Variants in GARRE1 observed in about 807,000 individuals in gnomAD.
GARRE1 encodes the protein granule associated Rac and RHOG effector 1.
In GARRE1, 49 loss-of-function variants were observed where a neutral mutation model predicts 103.2. The ratio of observed to expected loss-of-function variants is 0.47; its 90% CI spans 0.38 to 0.60. The LOEUF is 0.60. Among genes scored for constraint, GARRE1 ranks in the 20% least tolerant of loss-of-function variants. GARRE1 has a pLI of 0.00. For missense variants in GARRE1, 1,199 were observed against 1,370.5 expected (o/e 0.87, Z 1.98); for synonymous variants, 505 against 532.8 (o/e 0.95, Z 0.72).
At chr19:34,301,979 A>G (rs1196584728) in intron 2 of GARRE1, among the ~76,000 whole-genome samples, 9 of 94,796 alleles carry the variant, frequency 9.5e-5, no homozygotes, top group Admixed American at 6.9e-4. Flanking sequence ...CACTGCGCCC[A>G]GCCTTTTTTT....
chr19:34,273,133 T>C (rs1009390391), intron 1 of GARRE1, among the ~76,000 whole-genome samples: 11 of 152,140 alleles, frequency 7.2e-5, no homozygotes, highest in African/African-American at 2.4e-4. Context: ...ACCCAGGAGA[T>C]GGAGATTGCA....
In GARRE1 at chr19:34,354,763, G is replaced by A. The variant is rs1460696001; in HGVS notation, c.*1808G>A. The A allele has an allele frequency of 6.6e-6, 1 of 152,536 alleles. No individual in the cohort carries two copies. Among genetic ancestry groups the A allele is most frequent in the Non-Finnish European group, 1.5e-5 (1 of 68,036 alleles). 9.4% of individuals were successfully genotyped at this position (152,536 alleles called of 1,614,324 possible). ...TTGAGAGGACCCGTAGGGTGTCTGAGCCCAGCCACCTGAGTTTTTAGTACT... is the reference window on the plus strand; with the variant it reads ...TTGAGAGGACCCGTAGGGTGTCTGAACCCAGCCACCTGAGTTTTTAGTACT... On this transcript the variant is annotated 3_prime_UTR_variant, in exon 14 of 14. Coordinates refer to ENST00000299505, the MANE Select transcript of GARRE1 (RefSeq NM_014686.5).
chr19:34,313,626 G>T (rs1371311523), intron 2 of GARRE1, among the ~76,000 whole-genome samples: 1 of 152,150 alleles, frequency 6.6e-6, no homozygotes, highest in Non-Finnish European at 1.5e-5. Flanking sequence ...TTTGTAATCA[G>T]TTTATCAATA....
At chr19:34,336,603 G>T (rs1279288931) in intron 8 of GARRE1, among the ~76,000 whole-genome samples, 1 of 151,960 alleles carries the variant, frequency 6.6e-6, no homozygotes, top group African/African-American at 2.4e-5. Flanking sequence ...GAGTAGCTGG[G>T]ATTACAGGCA....
At chr19:34,272,534 G>A (rs1268065724) in intron 1 of GARRE1, among the ~76,000 whole-genome samples, 1 of 152,176 alleles carries the variant, frequency 6.6e-6, no homozygotes. Context: ...CTGCAGAGAT[G>A]TCTCCTGGGT....
At position 34,355,552 on chromosome 19, in the gene GARRE1, A is replaced by G. The variant is rs745811256; in HGVS notation, c.*2597A>G. 3 of 152,694 alleles carry G rather than the reference A, an allele frequency of 2.0e-5. No homozygotes were observed. The highest frequency in any genetic ancestry group is 4.4e-5 in the Non-Finnish European group (3 of 68,056). The allele number at this position is 152,694 out of a possible 1,614,324, so 9.5% of individuals were successfully genotyped here. On this transcript the variant is annotated 3_prime_UTR_variant, in exon 14 of 14. Transcript: ENST00000299505. ...AATAACTATTGGCTTTATTAAAAAT[A>G]TACATTTAATAATACTTTGTATCCT...
At chr19:34,264,437 T>A (rs969789150) in intron 1 of GARRE1, among the ~76,000 whole-genome samples, 3 of 151,996 alleles carry the variant, frequency 2.0e-5, no homozygotes, top group Non-Finnish European at 4.4e-5. Context: ...CTTGCTCTGT[T>A]GCCCAGGCTA....
In GARRE1 at chr19:34,300,553, A is replaced by G; in HGVS notation, c.80A>G (p.Gln27Arg). ...CTTGGCGGGTCCAAGCAGAAGGTGC[A>G]GCAGCACCAGCAATACCCGATGCCT... ...FLLGGSKQKV[Q>R]QHQQYPMPEL... The change falls in exon 2 of 14, where the codon CAG (glutamine) becomes CGG (arginine). Residue 27 changes from glutamine (Q) to arginine (R), a missense_variant. Coordinates refer to ENST00000299505, the MANE Select transcript of GARRE1 (RefSeq NM_014686.5). 1 of 1,613,558 alleles carries G rather than the reference A, an allele frequency of 6.2e-7. No individual in the cohort carries two copies. Among genetic ancestry groups the G allele is most frequent in the Non-Finnish European group, 8.5e-7 (1 of 1,180,002 alleles).
At chr19:34,261,480 G>A (rs1411258996) in intron 1 of GARRE1, among the ~76,000 whole-genome samples, 1 of 152,112 alleles carries the variant, frequency 6.6e-6, no homozygotes, top group African/African-American at 2.4e-5. Context: ...TGAATAAGCT[G>A]ATAAACAGAC....
intron 2 of GARRE1, among the ~76,000 whole-genome samples, chr19:34,315,199 A>G (rs544064319): frequency 2.6e-5 from 4 of 152,356 alleles, no homozygotes; most frequent in South Asian, 2.1e-4. Context: ...GAGCAGAACA[A>G]TGAACTTAGT....
intron 1 of GARRE1, among the ~76,000 whole-genome samples, chr19:34,266,083 A>G (rs1214300510): frequency 6.6e-6 from 1 of 152,216 alleles, no homozygotes; most frequent in Non-Finnish European, 1.5e-5. Flanking sequence ...GAGAGCAAGC[A>G]TTATGTCTGT....
At chr19:34,334,752 A>G (rs1042321715) in intron 8 of GARRE1, among the ~76,000 whole-genome samples, 1 of 151,444 alleles carries the variant, frequency 6.6e-6, no homozygotes, top group African/African-American at 2.4e-5. Flanking sequence ...AATCAGAGAC[A>G]AAGTAAAGAA....
intron 9 of GARRE1, 103 bp downstream of exon 9, chr19:34,340,095 A>G: frequency 8.1e-7 from 1 of 1,231,648 alleles, no homozygotes; most frequent in Non-Finnish European, 1.1e-6. Flanking sequence ...ATTGTAAAGA[A>G]GGCAGTAAGG....
At chr19:34,305,239 C>T (rs993428282) in intron 2 of GARRE1, among the ~76,000 whole-genome samples, 3 of 152,186 alleles carry the variant, frequency 2.0e-5, no homozygotes, top group Non-Finnish European at 4.4e-5. Flanking sequence ...TTGTTGTATG[C>T]CATTCCAGAC....
chr19:34,328,645 C>G lies in GARRE1; in HGVS notation c.1104+494C>G, dbSNP rs929995737. Among the ~76,000 whole-genome samples the G allele has an allele frequency of 2.0e-5, 3 of 152,046 alleles. No individual in the cohort carries two copies. In the South Asian group the frequency reaches 6.2e-4, roughly 32 times the overall value. ...TTGAGACGGAGTTTTACTCTCTCGT[C>G]CAGGCTAGAGTACAGTGGTGTGATC... On this transcript the variant is annotated intron_variant, in intron 6 of 13. Coordinates refer to ENST00000299505, the MANE Select transcript of GARRE1 (RefSeq NM_014686.5).
chr19:34,319,930 T>C lies in GARRE1; in HGVS notation c.519T>C (p.Thr173=), dbSNP rs2074077596. 6.2e-7 allele frequency: 1 copy of C among 1,614,250 alleles called. No individual in the cohort carries two copies. The highest frequency in any genetic ancestry group is 8.5e-7 in the Non-Finnish European group (1 of 1,180,040). The change falls in exon 3 of 14, where the codon ACT becomes ACC. Residue 173 remains threonine, a synonymous_variant. Transcript: ENST00000299505. ...DIEVLGRCFL[T]VVQVHFQFLT... ...AGGTGTTGGGGCGATGTTTCCTGAC[T>C]GTGGTGCAAGTCCATTTCCAGTTTT...
chr19:34,284,873 G>T (rs749123004), intron 1 of GARRE1, among the ~76,000 whole-genome samples: 8 of 152,130 alleles, frequency 5.3e-5, no homozygotes, highest in Non-Finnish European at 1.0e-4. Flanking sequence ...ACAGCATTAA[G>T]AAGAATTTTA....
At chr19:34,257,908 G>C (rs937791780) in intron 1 of GARRE1, among the ~76,000 whole-genome samples, 2 of 78,662 alleles carry the variant, frequency 2.5e-5, no homozygotes, top group African/African-American at 9.8e-5. Flanking sequence ...TTTTTTTTTT[G>C]AGACAGAGTC....
At chr19:34,340,130 G>T in intron 9 of GARRE1, 138 bp downstream of exon 9, 3 of 861,810 alleles carry the variant, frequency 3.5e-6, no homozygotes, top group Non-Finnish European at 5.4e-6. Context: ...TTTATTTTCA[G>T]AATAATTTAA....
Sources: allele counts gnomAD v4.1 joint callset (sites outside exome capture counted in the v4.1 genomes callset), GRCh38; gene constraint gnomAD v4.1.1; transcripts MANE v1.5; gene names NCBI Gene and HGNC (gene_info 2026-07-23, HGNC 2026-07-21).